CFAP119: variants seen among roughly 807,000 people sequenced by gnomAD.
The protein encoded by CFAP119 is cilia- and flagella-associated protein 119.
the CFAP119 span, chr16:30,761,618 G>C: frequency 3.9e-6 from 6 of 1,535,982 alleles, no homozygotes; most frequent in African/African-American, 2.7e-5. Flanking sequence ...CCGCACACTC[G>C]CACGCGTCCG....
At chr16:30,761,548 A>T in the CFAP119 span, 2 of 1,536,146 alleles carry the variant, frequency 1.3e-6, no homozygotes, top group South Asian at 2.4e-5. Context: ...CCCTCACCGG[A>T]AACAAGTTGG....
chr16:30,761,455 C>T, the CFAP119 span: 1 of 1,512,534 alleles, frequency 6.6e-7, no homozygotes, highest in African/African-American at 1.4e-5. Context: ...GGGAGACGTC[C>T]CGAACGTTAG....
chr16:30,758,500 G>C, the CFAP119 span: 1 of 188,046 alleles, frequency 5.3e-6, no homozygotes, highest in Non-Finnish European at 1.1e-5. Context: ...TTAAGCCACC[G>C]TCATTGGCTT....
the CFAP119 span, chr16:30,757,795 G>A: frequency 7.0e-7 from 1 of 1,425,400 alleles, no homozygotes; most frequent in Non-Finnish European, 9.1e-7. Context: ...TTTAGGAAAT[G>A]TTAGCAAGCC....
At chr16:30,761,493 G>T in the CFAP119 span, 1 of 1,532,376 alleles carries the variant, frequency 6.5e-7, no homozygotes. Flanking sequence ...GGCGCCTGCG[G>T]GGGAGCCGGT....
chr16:30,759,364 TAG>T, the CFAP119 span: 1 of 1,614,220 alleles, frequency 6.2e-7, no homozygotes, highest in South Asian at 1.1e-5. Flanking sequence ...GACGTATTTA[TAG>T]AGCTTGAAGT....
At chr16:30,760,304 T>A in the CFAP119 span, 1 of 1,614,198 alleles carries the variant, frequency 6.2e-7, no homozygotes, top group Non-Finnish European at 8.5e-7. Context: ...CTTGTGAAGA[T>A]CCTGGAGCAG....
chr16:30,761,094 C>T, the CFAP119 span: 1 of 1,332,770 alleles, frequency 7.5e-7, no homozygotes, highest in East Asian at 2.4e-5. Flanking sequence ...CTCCAGGCCT[C>T]AGTCTCATCT....
the CFAP119 span, chr16:30,759,345 G>T: frequency 6.2e-7 from 1 of 1,613,668 alleles, no homozygotes; most frequent in Non-Finnish European, 8.5e-7. Flanking sequence ...CCCCTACCTG[G>T]GGTGTGAAGA....
At chr16:30,758,235 C>T in the CFAP119 span, 1 of 152,398 alleles carries the variant, frequency 6.6e-6, no homozygotes, top group South Asian at 2.0e-4. Context: ...CCACGCCCGG[C>T]TAACTTTTTG....
chr16:30,761,210 C>G, the CFAP119 span: 1 of 1,613,946 alleles, frequency 6.2e-7, no homozygotes, highest in Non-Finnish European at 8.5e-7. Flanking sequence ...CATGCAGATC[C>G]GGGGTCGGGG....
the CFAP119 span, chr16:30,760,638 C>T: frequency 6.4e-7 from 1 of 1,556,068 alleles, no homozygotes; most frequent in Non-Finnish European, 8.7e-7. Flanking sequence ...TCTTCTCCAG[C>T]TGGTGCATGG....
At chr16:30,759,244 G>A in the CFAP119 span, 56 of 1,613,990 alleles carry the variant, frequency 3.5e-5, no homozygotes, top group Non-Finnish European at 4.4e-5. Context: ...AGATCCAGCC[G>A]CACCTGGGAA....
At chr16:30,761,886 G>A in the CFAP119 span, 1 of 869,838 alleles carries the variant, frequency 1.1e-6, no homozygotes, top group Non-Finnish European at 1.7e-6. Context: ...GAGGCGCGGC[G>A]GGGCGAATCC....
chr16:30,760,967 T>C, the CFAP119 span: 1 of 613,530 alleles, frequency 1.6e-6, no homozygotes, highest in African/African-American at 1.8e-5. Flanking sequence ...ACAATACTCC[T>C]TAGCGGCCAT....
At chr16:30,760,974 C>T in the CFAP119 span, 3 of 615,052 alleles carry the variant, frequency 4.9e-6, no homozygotes, top group South Asian at 6.0e-5. Context: ...TCCTTAGCGG[C>T]CATGAGACTC....
the CFAP119 span, chr16:30,759,153 G>C: frequency 6.2e-7 from 1 of 1,614,200 alleles, no homozygotes; most frequent in South Asian, 1.1e-5. Flanking sequence ...GCCCAGCCCA[G>C]CCCTGCCCTG....
chr16:30,761,624 G>A, the CFAP119 span: 1,048 of 1,536,098 alleles, frequency 6.8e-4, 1 homozygote, highest in Non-Finnish European at 8.3e-4. Context: ...ACTCGCACGC[G>A]TCCGCGCGGC....
At chr16:30,759,048 C>T in the CFAP119 span, 2 of 1,614,220 alleles carry the variant, frequency 1.2e-6, no homozygotes, top group Non-Finnish European at 1.7e-6. Flanking sequence ...GTCTCTAGTT[C>T]CTCTTTCTGC....
Sources: allele counts gnomAD v4.1 joint callset, GRCh38; gene constraint gnomAD v4.1.1; transcripts MANE v1.5; gene names NCBI Gene and HGNC (gene_info 2026-07-23, HGNC 2026-07-21).